EIF4ENIF1: variants seen among roughly 807,000 people sequenced by gnomAD.
The protein encoded by EIF4ENIF1 is eukaryotic translation initiation factor 4E transporter.
EIF4ENIF1 carries 23 observed loss-of-function variants against 110.5 expected under a neutral mutation model. The observed-to-expected ratio is 0.21, with a 90% CI of 0.15 to 0.29. The LOEUF is 0.29. Ranked by LOEUF, EIF4ENIF1 falls within the 10% of genes least tolerant of loss-of-function variation. EIF4ENIF1 has a pLI of 1.00. For synonymous variants in EIF4ENIF1, 440 were observed against 437.0 expected (o/e 1.01, Z -0.09); for missense variants, 1,031 against 1,221.1 (o/e 0.84, Z 2.32).
At chr22:31,438,125 C>T (rs968416378), downstream of EIF4ENIF1, among the ~76,000 whole-genome samples, 2 of 152,146 alleles carry the variant, frequency 1.3e-5, no homozygotes, top group African/African-American at 4.8e-5. Flanking sequence ...GTCAAAAATC[C>T]AACCACCTTG....
In EIF4ENIF1 at chr22:31,451,664, C is replaced by G. The variant is rs1052235290; in HGVS notation, c.1513-1304G>C. Among the ~76,000 whole-genome samples the G allele has an allele frequency of 5.6e-3, 777 of 139,478 alleles. 5 individuals carry two copies. The highest frequency in any genetic ancestry group is 0.019 in the African/African-American group (741 of 38,230). The allele number at this position is 139,478 out of a possible 152,430, so 91.5% of individuals were successfully genotyped here. On this transcript the variant is annotated intron_variant, in intron 10 of 18. Coordinates refer to ENST00000330125, the MANE Select transcript of EIF4ENIF1 (RefSeq NM_019843.4). ...TCCACTCTTAAAGCAGTAGTGGTTA[C>G]TTTTTTTTTTTTTTTTGGGACAGGT...
chr22:31,486,990 G>A (rs559087873), intron 2 of EIF4ENIF1, among the ~76,000 whole-genome samples: 4 of 151,930 alleles, frequency 2.6e-5, no homozygotes, highest in Non-Finnish European at 5.9e-5. Context: ...GGAGGCTGAG[G>A]CAGGAGAATC....
chr22:31,445,436 A>T (rs2050431580), intron 14 of EIF4ENIF1, among the ~76,000 whole-genome samples: 1 of 152,198 alleles, frequency 6.6e-6, no homozygotes, highest in Non-Finnish European at 1.5e-5. Flanking sequence ...ACCTAAATTC[A>T]TGGCTTCTTT....
At chr22:31,442,905 C>T (rs1189875694) in intron 16 of EIF4ENIF1, 57 bp downstream of exon 16, 5 of 1,600,946 alleles carry the variant, frequency 3.1e-6, no homozygotes, top group Non-Finnish European at 4.3e-6. Context: ...GCGCTCAGGC[C>T]CATGTTTTCT....
chr22:31,469,840 G>C (rs2051304777), intron 3 of EIF4ENIF1, among the ~76,000 whole-genome samples: 1 of 152,096 alleles, frequency 6.6e-6, no homozygotes, highest in African/African-American at 2.4e-5. Flanking sequence ...CTACAGGCAG[G>C]TGCCACCATG....
intron 4 of EIF4ENIF1, among the ~76,000 whole-genome samples, chr22:31,464,675 CAAAAA>C (rs770904708): frequency 1.6e-4 from 5 of 30,922 alleles, no homozygotes; most frequent in Admixed American, 7.1e-4. Context: ...GATTCAGTCT[CAAAAA>C]AAAAAAAAAA....
At position 31,464,699 on chromosome 22, in the gene EIF4ENIF1, AATAT is replaced by A. The variant is rs1230573468; in HGVS notation, c.299-736_299-733del. Among the ~76,000 whole-genome samples, 115 of 39,092 alleles carry A rather than the reference AATAT, an allele frequency of 2.9e-3. 2 individuals carry two copies. Among genetic ancestry groups the A allele is most frequent in the African/African-American group, 6.8e-3 (71 of 10,370 alleles). The allele number at this position is 39,092 out of a possible 152,430, so 25.6% of individuals were successfully genotyped here. ...TCAAAAAAAAAAAAAAAAAAAAAAA[AATAT>A]ATATATATATATATATATATATAAA... is the stretch of plus-strand genomic sequence containing the variant. On this transcript the variant is annotated intron_variant, in intron 4 of 18. Transcript: ENST00000330125.
chr22:31,487,154 G>A (rs1349499679), intron 2 of EIF4ENIF1, among the ~76,000 whole-genome samples: 4 of 151,936 alleles, frequency 2.6e-5, no homozygotes, highest in African/African-American at 9.7e-5. Flanking sequence ...CAGCATTTTA[G>A]GAAATGAATT....
intron 4 of EIF4ENIF1, among the ~76,000 whole-genome samples, chr22:31,465,217 G>A (rs9621265): frequency 2.0e-5 from 3 of 151,636 alleles, no homozygotes; most frequent in African/African-American, 7.3e-5. Context: ...CAGCTACTTG[G>A]GAGGCTGAGG....
intron 10 of EIF4ENIF1, among the ~76,000 whole-genome samples, chr22:31,452,165 T>C (rs147390946): frequency 4.1e-3 from 620 of 152,282 alleles, no homozygotes; most frequent in African/African-American, 0.015. Context: ...GATGAACCAA[T>C]ATGACAACCT....
At chr22:31,455,056 G>T in intron 9 of EIF4ENIF1, 80 bp downstream of exon 9, 2 of 1,249,814 alleles carry the variant, frequency 1.6e-6, no homozygotes, top group Non-Finnish European at 2.2e-6. Context: ...TGAAACAGAG[G>T]TTATGTTAGA....
intron 17 of EIF4ENIF1, among the ~76,000 whole-genome samples, chr22:31,441,550 GAAAAAAAAAA>G (rs771597260): frequency 6.1e-5 from 4 of 65,254 alleles, no homozygotes; most frequent in Non-Finnish European, 9.0e-5. Flanking sequence ...CTACAAAAAG[GAAAAAAAAAA>G]AAAAAAAAAA....
Position 31,443,022 on chromosome 22 carries a change from GCTC to G in EIF4ENIF1, c.2143_2145del (p.Glu715del). On this transcript the variant is annotated inframe_deletion, in exon 16 of 19. Transcript: ENST00000330125. The stretch of plus-strand genomic sequence containing the variant: ...CCAAGAGCTGCTTTTCCAGATGCTG[GCTC>G]CTCCTTGCTTTTCTCTTTGCTCTCG... The G allele has an allele frequency of 3.1e-6, 5 of 1,614,098 alleles. No homozygotes were observed. Among genetic ancestry groups the G allele is most frequent in the Non-Finnish European group, 4.2e-6 (5 of 1,180,012 alleles).
At chr22:31,445,955 C>A (rs566369600) in intron 14 of EIF4ENIF1, among the ~76,000 whole-genome samples, 3 of 135,484 alleles carry the variant, frequency 2.2e-5, no homozygotes, top group Non-Finnish European at 3.2e-5. Context: ...TACGTACCGC[C>A]CCCCCCCCCC....
intron 7 of EIF4ENIF1, among the ~76,000 whole-genome samples, chr22:31,456,440 G>A (rs760483168): frequency 1.9e-4 from 29 of 151,950 alleles, no homozygotes; most frequent in Admixed American, 7.9e-4. Flanking sequence ...AGCCAGGATG[G>A]TCTCGATCTC....
At chr22:31,443,315 G>GACAT (rs1160595432) in intron 15 of EIF4ENIF1, 1 of 538,470 alleles carries the variant, frequency 1.9e-6, no homozygotes, top group South Asian at 2.7e-5. Flanking sequence ...TGATAATGGG[G>GACAT]ACATGCCTAT....
intron 2 of EIF4ENIF1, among the ~76,000 whole-genome samples, chr22:31,488,341 G>A (rs916044405): frequency 6.6e-6 from 1 of 151,994 alleles, no homozygotes; most frequent in Admixed American, 6.6e-5. Context: ...CAATTACATA[G>A]CTGTTACAGA....
At chr22:31,488,783 A>G in intron 1 of EIF4ENIF1, 38 bp from the exon 2 acceptor site, 1 of 1,557,786 alleles carries the variant, frequency 6.4e-7, no homozygotes, top group Non-Finnish European at 8.6e-7. Flanking sequence ...CACCGAGAAC[A>G]GTAAGTTTTC....
chr22:31,464,060 G>C (rs1367534006), intron 4 of EIF4ENIF1, 93 bp from the exon 5 acceptor site: 1 of 1,470,774 alleles, frequency 6.8e-7, no homozygotes, highest in Admixed American at 2.4e-5. Flanking sequence ...GGGAGGAAGG[G>C]GATGGTTGGA....
Sources: allele counts gnomAD v4.1 joint callset (sites outside exome capture counted in the v4.1 genomes callset), GRCh38; gene constraint gnomAD v4.1.1; transcripts MANE v1.5; gene names NCBI Gene and HGNC (gene_info 2026-07-23, HGNC 2026-07-21).